Variants in KIAA1549 observed in about 807,000 individuals in gnomAD.
KIAA1549 encodes the protein UPF0606 protein KIAA1549.
KIAA1549 carries 70 observed loss-of-function variants against 156.4 expected under a neutral mutation model. The ratio of observed to expected loss-of-function variants is 0.45; its 90% CI spans 0.37 to 0.55. The LOEUF (loss-of-function observed/expected upper bound fraction) is 0.55. Among genes scored for constraint, KIAA1549 ranks in the 20% least tolerant of loss-of-function variants. The pLI, the probability that KIAA1549 is intolerant of heterozygous loss-of-function variation, is 0.00. For missense variants in KIAA1549, 2,428 were observed against 2,540.9 expected (o/e 0.96, Z 0.96); for synonymous variants, 1,103 against 1,066.4 (o/e 1.03, Z -0.67).
chr7:138,960,062 G>A (rs953756067), intron 1 of KIAA1549, among the ~76,000 whole-genome samples: 2 of 152,126 alleles, frequency 1.3e-5, no homozygotes, highest in African/African-American at 4.8e-5. Context: ...AAGGCTGACC[G>A]GGCCACTGAG....
chr7:138,907,939 T>C (rs970081084), intron 5 of KIAA1549, among the ~76,000 whole-genome samples: 1 of 152,116 alleles, frequency 6.6e-6, no homozygotes, highest in Non-Finnish European at 1.5e-5. Context: ...TTTATCTAGA[T>C]GCTGGAAGGA....
chr7:138,842,778 A>C (rs1226435467), intron 18 of KIAA1549, among the ~76,000 whole-genome samples: 1 of 152,126 alleles, frequency 6.6e-6, no homozygotes, highest in South Asian at 2.1e-4. Context: ...CATAGGAGGC[A>C]ACTGGTAAAT....
chr7:138,927,333 A>G (rs1812747910), intron 1 of KIAA1549, among the ~76,000 whole-genome samples: 1 of 151,964 alleles, frequency 6.6e-6, no homozygotes, highest in African/African-American at 2.4e-5. Context: ...AGATATGTAT[A>G]TATGTGTATG....
intron 1 of KIAA1549, among the ~76,000 whole-genome samples, chr7:138,969,681 T>G (rs1814157247): frequency 6.6e-6 from 1 of 152,116 alleles, no homozygotes; most frequent in Non-Finnish European, 1.5e-5. Flanking sequence ...CAACCTCTGC[T>G]TCCCGGGATC....
At position 138,832,082 on chromosome 7, in the gene KIAA1549, G is replaced by A. The variant is rs928221301; in HGVS notation, c.*5824C>T. ...GAATACTTGAAATCTGGTAAGTACAGGAAAGACTATTCGTGATGCTCCAAG... is the reference window on the plus strand; with the variant it reads ...GAATACTTGAAATCTGGTAAGTACAAGAAAGACTATTCGTGATGCTCCAAG... On this transcript the variant is annotated 3_prime_UTR_variant, in exon 20 of 20. Coordinates refer to ENST00000422774, the MANE Select transcript of KIAA1549 (RefSeq NM_001164665.2). 4.4e-5 allele frequency: 10 copies of A among 226,766 alleles called. No homozygotes were observed. In the South Asian group the frequency reaches 1.1e-3, roughly 25 times the overall value. The allele number at this position is 226,766 out of a possible 1,614,324, so 14.0% of individuals were successfully genotyped here. A position where few individuals can be genotyped will look rare whatever the true frequency, so the allele number is the denominator to read the frequency against.
At chr7:138,931,752 C>CAAAAAAA (rs71169066) in intron 1 of KIAA1549, among the ~76,000 whole-genome samples, 2 of 101,378 alleles carry the variant, frequency 2.0e-5, no homozygotes. Flanking sequence ...AGTCCCATCT[C>CAAAAAAA]AAAAAAAAAA....
chr7:138,845,760 T>G (rs533949299), intron 17 of KIAA1549, among the ~76,000 whole-genome samples: 2 of 152,248 alleles, frequency 1.3e-5, no homozygotes, highest in East Asian at 3.8e-4. Context: ...AAGTTCACAG[T>G]GGCAGGCAGA....
rs368003018 is a variant in KIAA1549, at chr7:138,846,201, C to T, written c.5295-1727G>A. ...AGGGCAGTGAAGAATATGATGACTA[C>T]TCATACAATTTGGTGGCACTGCCTG... On this transcript the variant is annotated intron_variant, in intron 17 of 19. Transcript: ENST00000422774. Among the ~76,000 whole-genome samples the T allele has an allele frequency of 1.7e-4, 26 of 152,222 alleles. 1 individual carries two copies. In the South Asian group the frequency reaches 5.0e-3, roughly 29 times the overall value.
chr7:138,849,355 C>T lies in KIAA1549; in HGVS notation c.5294+2868G>A, dbSNP rs1388350724. Among the ~76,000 whole-genome samples, 11 of 152,064 alleles carry T rather than the reference C, an allele frequency of 7.2e-5. 2 individuals are homozygous for T. Among genetic ancestry groups the T allele is most frequent in the Admixed American group, 5.9e-4 (9 of 15,272 alleles). On this transcript the variant is annotated intron_variant, in intron 17 of 19. Transcript: ENST00000422774. ...AATGCTTAGATCACTGATTTTTCAG[C>T]CACTTTGCTTTCCAATATATGCATT...
chr7:138,919,158 C>T lies in KIAA1549; in HGVS notation c.468G>A (p.Glu156=), dbSNP rs2130483764. The T allele has an allele frequency of 1.9e-6, 3 of 1,614,050 alleles. No homozygotes were observed. The South Asian group carries it at 3.3e-5, about 18-fold the overall frequency. The stretch of plus-strand genomic sequence containing the variant: ...GAGTATCTGGCAGAAAGTTATCCAT[C>T]TCATCGTCATTGACGGCCACCTCTT... ...TSKEVAVNDD[E]MDNFLPDTHW... Residue 156 remains glutamate, a synonymous_variant, in exon 2 of 20, where the codon GAG becomes GAA. Coordinates refer to ENST00000422774, the MANE Select transcript of KIAA1549 (RefSeq NM_001164665.2).
intron 1 of KIAA1549, among the ~76,000 whole-genome samples, chr7:138,979,806 G>A (rs542342411): frequency 6.6e-6 from 1 of 152,330 alleles, no homozygotes; most frequent in African/African-American, 2.4e-5. Flanking sequence ...ACCCAGCTAT[G>A]GGAAATCTCT....
chr7:138,896,593 TG>T (rs1406107378), intron 9 of KIAA1549, among the ~76,000 whole-genome samples: 2 of 150,986 alleles, frequency 1.3e-5, no homozygotes, highest in African/African-American at 2.4e-5. Context: ...TGGGTGTGGT[TG>T]TTTTTTTTTT....
chr7:138,917,811 G>C lies in KIAA1549; in HGVS notation c.1815C>G (p.Asp605Glu). ...VPSVESSLFS[D>E]QERSSFSEHK... is the part of the protein sequence containing the mutation. ...GCTCAGAAAAACTGGAACGTTCTTG[G>C]TCAGAGAAAAGTGAAGACTCCACTG... The change falls in exon 2 of 20, where the codon GAC (aspartate) becomes GAG (glutamate). Residue 605 changes from aspartate to glutamate, a missense_variant. Transcript: ENST00000422774. 1 of 1,592,210 alleles carries C rather than the reference G, an allele frequency of 6.3e-7. No homozygotes were observed. Among genetic ancestry groups the C allele is most frequent in the East Asian group, 2.3e-5 (1 of 43,962 alleles).
intron 1 of KIAA1549, among the ~76,000 whole-genome samples, chr7:138,923,625 T>A (rs903682003): frequency 2.6e-5 from 4 of 151,636 alleles, no homozygotes; most frequent in Non-Finnish European, 5.9e-5. Flanking sequence ...AAGATAAATA[T>A]ATGGTTAAAT....
At chr7:138,963,311 T>C (rs1014584251) in intron 1 of KIAA1549, among the ~76,000 whole-genome samples, 2 of 152,114 alleles carry the variant, frequency 1.3e-5, no homozygotes, top group Non-Finnish European at 2.9e-5. Context: ...GATCTGCTGG[T>C]GGGAGGCAGA....
intron 1 of KIAA1549, among the ~76,000 whole-genome samples, chr7:138,950,067 T>C (rs1221346360): frequency 2.0e-5 from 3 of 152,312 alleles, no homozygotes; most frequent in African/African-American, 4.8e-5. Flanking sequence ...TATGGCAGGA[T>C]TGCCATGTGC....
intron 1 of KIAA1549, among the ~76,000 whole-genome samples, chr7:138,962,810 T>C (rs920296454): frequency 1.3e-5 from 2 of 152,212 alleles, no homozygotes; most frequent in East Asian, 3.9e-4. Flanking sequence ...GGGTGATTTG[T>C]TATGCAGCAA....
rs1423451197 is a variant in KIAA1549, at chr7:138,868,143, A to G, written c.4776-15T>C. ...TTATCCGTGAGCTGCCAGGAAAAAG[A>G]GAAATTATCTTCGTAGGAAATCACC... is the stretch of plus-strand genomic sequence containing the variant. On this transcript the variant is annotated splice_polypyrimidine_tract_variant and intron_variant, in intron 14 of 19. Transcript: ENST00000422774. The G allele has an allele frequency of 6.2e-7, 1 of 1,609,586 alleles. No individual in the cohort carries two copies. Among genetic ancestry groups the G allele is most frequent in the Admixed American group, 1.7e-5 (1 of 59,460 alleles).
In KIAA1549 at chr7:138,861,270, T is replaced by C. The variant is rs1322637427; in HGVS notation, c.5116A>G (p.Ser1706Gly). The change falls in exon 16 of 20, where the codon AGC becomes GGC. Residue 1706 changes from serine to glycine, a missense_variant. Coordinates refer to ENST00000422774, the MANE Select transcript of KIAA1549 (RefSeq NM_001164665.2). ...ACTCCGGGGCCTACACCTGCGGTGC[T>C]GGCAGGCTGGCTGCTGGGGGCCACG... is the stretch of plus-strand genomic sequence containing the variant. The part of the protein sequence containing the change: ...ALVAPSSQPA[S>G]TAGVGPGVPP... 8.1e-6 allele frequency: 13 copies of C among 1,608,466 alleles called. No homozygotes were observed. The highest frequency in any genetic ancestry group is 1.1e-5 in the South Asian group (1 of 90,380).
Sources: allele counts gnomAD v4.1 joint callset (sites outside exome capture counted in the v4.1 genomes callset), GRCh38; gene constraint gnomAD v4.1.1; transcripts MANE v1.5; gene names NCBI Gene and HGNC (gene_info 2026-07-23, HGNC 2026-07-21).